KLHL1: variants seen among roughly 807,000 people sequenced by gnomAD.
KLHL1 encodes the protein kelch like family member 1, also known as kelch-like protein 1.
In KLHL1, 47 loss-of-function variants were observed where a neutral mutation model predicts 77.7. The ratio of observed to expected loss-of-function variants is 0.60; its 90% CI spans 0.48 to 0.77. The LOEUF (loss-of-function observed/expected upper bound fraction) is 0.77. Among genes scored for constraint, KLHL1 ranks in the 30% least tolerant of loss-of-function variants. The pLI is 0.00. For synonymous variants in KLHL1, 360 were observed against 325.2 expected, an observed-to-expected ratio of 1.11 and a Z score of -1.15; for missense variants, 925 against 910.8, an observed-to-expected ratio of 1.02 and a Z score of -0.20.
chr13:70,087,406 A>G (rs1051256933), intron 1 of KLHL1, among the ~76,000 whole-genome samples: 9 of 152,190 alleles, frequency 5.9e-5, no homozygotes, highest in South Asian at 4.1e-4. Flanking sequence ...GTCAACCAAG[A>G]GTAGTAAAAA....
At chr13:69,703,449 T>TA (rs200111252) in intron 10 of KLHL1, among the ~76,000 whole-genome samples, 24,301 of 147,384 alleles carry the variant, frequency 0.16, 2,092 homozygotes, top group African/African-American at 0.2. Context: ...GTTTAAAAAG[T>TA]AAAAAAAAAA....
At chr13:70,046,231 T>A (rs1670646439) in intron 1 of KLHL1, among the ~76,000 whole-genome samples, 1 of 151,526 alleles carries the variant, frequency 6.6e-6, no homozygotes, top group East Asian at 1.9e-4. Flanking sequence ...AAAAAAAAAA[T>A]GTCATAAAGA....
At chr13:69,728,142 C>G (rs1162019182) in intron 8 of KLHL1, among the ~76,000 whole-genome samples, 1 of 151,638 alleles carries the variant, frequency 6.6e-6, no homozygotes, top group South Asian at 2.1e-4. Flanking sequence ...TTTTTTCTTT[C>G]TTTTTTAATG....
intron 6 of KLHL1, among the ~76,000 whole-genome samples, chr13:69,810,748 AAG>A (rs1877842942): frequency 1.3e-5 from 2 of 152,186 alleles, no homozygotes; most frequent in East Asian, 1.9e-4. Flanking sequence ...AACAAAAAAA[AAG>A]AGAGAAGATC....
intron 5 of KLHL1, among the ~76,000 whole-genome samples, chr13:69,847,093 A>G (rs777391242): frequency 1.3e-4 from 19 of 151,564 alleles, no homozygotes; most frequent in Non-Finnish European, 2.1e-4. Flanking sequence ...TCTCTGCACT[A>G]TATTGCCTGT....
intron 5 of KLHL1, among the ~76,000 whole-genome samples, chr13:69,879,591 G>T (rs1010799714): frequency 2.0e-5 from 3 of 152,094 alleles, no homozygotes; most frequent in Non-Finnish European, 4.4e-5. Flanking sequence ...AATGTTTCCT[G>T]ACCATTTTAA....
At chr13:70,044,488 T>C (rs577337332) in intron 1 of KLHL1, among the ~76,000 whole-genome samples, 3 of 152,170 alleles carry the variant, frequency 2.0e-5, no homozygotes, top group Non-Finnish European at 2.9e-5. Flanking sequence ...TAAACAAGTT[T>C]ACATGAAAAA....
intron 1 of KLHL1, among the ~76,000 whole-genome samples, chr13:70,096,641 T>G (rs1887796140): frequency 3.0e-5 from 1 of 33,554 alleles, no homozygotes. Flanking sequence ...TTTATAAAGT[T>G]AGCTGTTTTT....
At chr13:69,905,570 T>G (rs1298194617) in intron 4 of KLHL1, among the ~76,000 whole-genome samples, 2 of 152,108 alleles carry the variant, frequency 1.3e-5, no homozygotes, top group African/African-American at 2.4e-5. Context: ...TCTAGCCTAT[T>G]GAGAAAGCCT....
At position 70,063,877 on chromosome 13, in the gene KLHL1, T is replaced by G. The variant is rs139781949; in HGVS notation, c.497+43326A>C. 2.2e-4 allele frequency among the ~76,000 whole-genome samples: 33 copies of G among 152,260 alleles called. No individual in the cohort carries two copies. The East Asian group carries it at 5.8e-3, about 27-fold the overall frequency. ...CAAGTTCTTCCTTATATTATATTTA[T>G]AGGTGTGTTTATATGATTGGATGCT... On this transcript the variant is annotated intron_variant, in intron 1 of 10. Transcript: ENST00000377844.
At chr13:69,981,607 T>A (rs1259494186) in intron 1 of KLHL1, among the ~76,000 whole-genome samples, 1 of 152,088 alleles carries the variant, frequency 6.6e-6, no homozygotes, top group Admixed American at 6.5e-5. Flanking sequence ...GTCTTTAGAT[T>A]ATATTTGCAT....
intron 1 of KLHL1, among the ~76,000 whole-genome samples, chr13:70,042,710 A>C (rs980285268): frequency 2.6e-5 from 4 of 152,170 alleles, no homozygotes; most frequent in African/African-American, 9.6e-5. Context: ...TTATTCTTTG[A>C]GCACGGACTC....
At chr13:69,746,514 G>T (rs1874220150) in intron 7 of KLHL1, among the ~76,000 whole-genome samples, 1 of 151,800 alleles carries the variant, frequency 6.6e-6, no homozygotes, top group Admixed American at 6.6e-5. Context: ...GCTAATCTTT[G>T]ACTTTGGTTA....
chr13:70,095,991 C>G (rs1228918976), intron 1 of KLHL1, among the ~76,000 whole-genome samples: 1 of 152,046 alleles, frequency 6.6e-6, no homozygotes, highest in Admixed American at 6.6e-5. Flanking sequence ...TAAGGCCATC[C>G]AGTTCCACCC....
intron 7 of KLHL1, among the ~76,000 whole-genome samples, chr13:69,767,104 C>T (rs1228433985): frequency 6.6e-6 from 1 of 151,864 alleles, no homozygotes; most frequent in African/African-American, 2.4e-5. Flanking sequence ...ATATATCCTA[C>T]TTTAACTTAA....
At chr13:69,734,775 T>C (rs1040701675) in intron 8 of KLHL1, among the ~76,000 whole-genome samples, 23 of 152,238 alleles carry the variant, frequency 1.5e-4, no homozygotes, top group African/African-American at 5.3e-4. Context: ...TGTTAAACTT[T>C]AGAATATCAG....
chr13:69,705,309 A>C (rs1009011749), intron 10 of KLHL1, among the ~76,000 whole-genome samples: 1 of 151,738 alleles, frequency 6.6e-6, no homozygotes, highest in African/African-American at 2.4e-5. Flanking sequence ...ACGTGTATCT[A>C]TACATATGGT....
intron 5 of KLHL1, among the ~76,000 whole-genome samples, chr13:69,858,116 TG>T (rs1390211115): frequency 6.6e-6 from 1 of 152,078 alleles, no homozygotes; most frequent in Non-Finnish European, 1.5e-5. Context: ...TAGACATCAG[TG>T]GGCACCAGCA....
At chr13:69,704,046 G>C (rs1047670171) in intron 10 of KLHL1, among the ~76,000 whole-genome samples, 2 of 151,618 alleles carry the variant, frequency 1.3e-5, no homozygotes, top group African/African-American at 4.8e-5. Context: ...AAGGCTCCCT[G>C]ATGTCCATTC....
Sources: gnomAD v4.1 joint callset for allele counts (sites outside exome capture counted in the v4.1 genomes callset) on GRCh38, gnomAD v4.1.1 for gene constraint, MANE v1.5 for transcripts, NCBI Gene and HGNC (gene_info 2026-07-23, HGNC 2026-07-21) for gene names.